GTF2F2: variants seen among roughly 807,000 people sequenced by gnomAD.
GTF2F2 encodes the protein ATP-dependent helicase GTF2F2.
In GTF2F2, 23 loss-of-function variants were observed where a neutral mutation model predicts 42.2. That is an observed-to-expected ratio of 0.55 (90% confidence interval 0.39 to 0.77). The LOEUF (loss-of-function observed/expected upper bound fraction) is 0.77. GTF2F2 is among the 30% of genes least tolerant of loss of function. GTF2F2 has a pLI of 0.00. For missense variants in GTF2F2, 261 were observed against 287.2 expected, an observed-to-expected ratio of 0.91 and a Z score of 0.66; for synonymous variants, 105 against 100.8, an observed-to-expected ratio of 1.04 and a Z score of -0.25.
chr13:45,150,008 C>T (rs1411653255), intron 3 of GTF2F2, among the ~76,000 whole-genome samples: 1 of 152,192 alleles, frequency 6.6e-6, no homozygotes, highest in Non-Finnish European at 1.5e-5. Context: ...CATTTCCCCT[C>T]TCTTGGTACC....
Position 45,195,573 on chromosome 13 carries a change from C to T in GTF2F2, c.305-11851C>T, listed in dbSNP as rs138754702. 5.3e-3 allele frequency among the ~76,000 whole-genome samples: 802 copies of T among 152,226 alleles called. 5 individuals are homozygous for T. Among genetic ancestry groups the T allele is most frequent in the African/African-American group, 0.019 (774 of 41,538 alleles). ...TTTCACAGTGGGCAAAATAAATCACCAAAGCCTAACCTTGTTTTTCAACTT... is the reference window on the plus strand; with the variant it reads ...TTTCACAGTGGGCAAAATAAATCACTAAAGCCTAACCTTGTTTTTCAACTT... On this transcript the variant is annotated intron_variant, in intron 4 of 7. Coordinates refer to ENST00000340473, the MANE Select transcript of GTF2F2 (RefSeq NM_004128.3).
rs1877396030 is a variant in GTF2F2, at chr13:45,284,882, TGAG to T, written c.*1322_*1324del. The T allele has an allele frequency of 6.6e-6, 1 of 152,220 alleles. No homozygotes were observed. Among genetic ancestry groups the T allele is most frequent in the Non-Finnish European group, 1.5e-5 (1 of 68,034 alleles). 9.4% of individuals were successfully genotyped at this position (152,220 alleles called of 1,614,324 possible). ...GTGTACACACTGAAAAATAAAATTC[TGAG>T]TAAAGAAAGTGTTCCCATTCCCCAC... On this transcript the variant is annotated 3_prime_UTR_variant, in exon 8 of 8. Coordinates refer to ENST00000340473, the MANE Select transcript of GTF2F2 (RefSeq NM_004128.3).
chr13:45,208,125 A>G (rs1460579855), intron 5 of GTF2F2, among the ~76,000 whole-genome samples: 1 of 147,316 alleles, frequency 6.8e-6, no homozygotes, highest in Non-Finnish European at 1.5e-5. Context: ...CCTTGTCTCA[A>G]AAAAAAAAAA....
chr13:45,138,477 G>T (rs995727431), intron 2 of GTF2F2, among the ~76,000 whole-genome samples: 2 of 152,102 alleles, frequency 1.3e-5, no homozygotes, highest in African/African-American at 2.4e-5. Flanking sequence ...CATTAACCTA[G>T]ACTTGACCAC....
chr13:45,272,436 A>AAAAC (rs1555273492), intron 7 of GTF2F2, among the ~76,000 whole-genome samples: 3 of 143,092 alleles, frequency 2.1e-5, no homozygotes, highest in Non-Finnish European at 3.0e-5. Flanking sequence ...AAAAAAAAAA[A>AAAAC]AAAACAAAAA....
intron 4 of GTF2F2, among the ~76,000 whole-genome samples, chr13:45,180,236 T>C (rs1389190937): frequency 2.0e-5 from 3 of 152,190 alleles, no homozygotes; most frequent in Non-Finnish European, 4.4e-5. Flanking sequence ...CATGTCATCT[T>C]ATTCTTGAAT....
At chr13:45,217,220 C>T (rs1326924712) in intron 5 of GTF2F2, among the ~76,000 whole-genome samples, 1 of 150,912 alleles carries the variant, frequency 6.6e-6, no homozygotes, top group Non-Finnish European at 1.5e-5. Context: ...ATTGCTTGAA[C>T]CTGGGAGGTG....
intron 5 of GTF2F2, among the ~76,000 whole-genome samples, chr13:45,230,829 G>T (rs1229655154): frequency 6.6e-6 from 1 of 152,098 alleles, no homozygotes; most frequent in African/African-American, 2.4e-5. Context: ...TTCCTACACG[G>T]TGTCAGCTAA....
intron 4 of GTF2F2, among the ~76,000 whole-genome samples, chr13:45,179,627 G>A (rs1486341659): frequency 6.6e-6 from 1 of 152,104 alleles, no homozygotes; most frequent in African/African-American, 2.4e-5. Context: ...TCATGCCTTG[G>A]GAGGCTGTCT....
intron 4 of GTF2F2, among the ~76,000 whole-genome samples, chr13:45,158,653 G>A (rs1320321931): frequency 1.3e-5 from 2 of 152,080 alleles, no homozygotes; most frequent in African/African-American, 4.8e-5. Flanking sequence ...AGCCTTTGTT[G>A]ATTCTTCCTT....
At chr13:45,131,028 G>A (rs748900939) in intron 1 of GTF2F2, among the ~76,000 whole-genome samples, 1 of 151,816 alleles carries the variant, frequency 6.6e-6, no homozygotes, top group Admixed American at 6.6e-5. Flanking sequence ...TGAGGTGGGC[G>A]GATCACCTGA....
At chr13:45,253,898 C>A (rs1272187191) in intron 6 of GTF2F2, among the ~76,000 whole-genome samples, 1 of 152,042 alleles carries the variant, frequency 6.6e-6, no homozygotes, top group Non-Finnish European at 1.5e-5. Context: ...ACACAGTGAA[C>A]CCCGTCTCTA....
At chr13:45,207,385 TAAG>T in intron 4 of GTF2F2, 36 bp from the exon 5 acceptor site, 3 of 1,185,986 alleles carry the variant, frequency 2.5e-6, no homozygotes. Context: ...TTGAAAATGA[TAAG>T]TATTATCTCT....
rs554333647 is a variant in GTF2F2 at position 45,128,218 on chromosome 13, C to A, written c.66+7497C>A. Reference sequence around the variant, plus strand: ...CTCGTGATCCGCCTGCCTCAGCCTTCCAAAGTGCTGGGATTACAGGTGTGA... The same window carrying A: ...CTCGTGATCCGCCTGCCTCAGCCTTACAAAGTGCTGGGATTACAGGTGTGA... On this transcript the variant is annotated intron_variant, in intron 1 of 7. Coordinates refer to ENST00000340473, the MANE Select transcript of GTF2F2 (RefSeq NM_004128.3). Among the ~76,000 whole-genome samples the A allele has an allele frequency of 8.3e-4, 123 of 147,798 alleles. No homozygotes were observed. The South Asian group carries it at 0.012, about 15-fold the overall frequency.
intron 7 of GTF2F2, among the ~76,000 whole-genome samples, chr13:45,271,483 A>G (rs772991753): frequency 2.6e-5 from 4 of 151,764 alleles, no homozygotes; most frequent in Non-Finnish European, 5.9e-5. Context: ...TCCTAGTTCA[A>G]GCGATTCTTC....
intron 5 of GTF2F2, among the ~76,000 whole-genome samples, chr13:45,247,153 C>A (rs1875668970): frequency 6.6e-6 from 1 of 151,986 alleles, no homozygotes; most frequent in Admixed American, 6.6e-5. Context: ...AGTTCGAGAC[C>A]AGCCTGACCA....
At chr13:45,174,192 AG>A (rs1244723928) in intron 4 of GTF2F2, among the ~76,000 whole-genome samples, 1 of 152,148 alleles carries the variant, frequency 6.6e-6, no homozygotes, top group Non-Finnish European at 1.5e-5. Flanking sequence ...GTGTGAGTGC[AG>A]GTTTTCATTT....
intron 5 of GTF2F2, among the ~76,000 whole-genome samples, chr13:45,220,318 G>A (rs549928434): frequency 1.1e-4 from 17 of 152,208 alleles, no homozygotes; most frequent in African/African-American, 3.1e-4. Context: ...TGTTTACTGA[G>A]CATCTAGTGT....
At chr13:45,159,773 A>T (rs1358653676) in intron 4 of GTF2F2, among the ~76,000 whole-genome samples, 2 of 152,182 alleles carry the variant, frequency 1.3e-5, no homozygotes, top group Non-Finnish European at 2.9e-5. Flanking sequence ...ATGCCTGGCC[A>T]TGTTTTCATT....
Sources: gnomAD v4.1 joint callset for allele counts (sites outside exome capture counted in the v4.1 genomes callset) on GRCh38, gnomAD v4.1.1 for gene constraint, MANE v1.5 for transcripts, NCBI Gene and HGNC (gene_info 2026-07-23, HGNC 2026-07-21) for gene names.